MGAT2: variants seen among roughly 807,000 people sequenced by gnomAD.
MGAT2 encodes alpha-1,6-mannosyl-glycoprotein 2-beta-N-acetylglucosaminyltransferase, also known as Beta-1,2-N-acetylglucosaminyltransferase II.
In MGAT2, 17 loss-of-function variants were observed where a neutral mutation model predicts 33.8. The ratio of observed to expected loss-of-function variants is 0.50; its 90% CI spans 0.34 to 0.76. The LOEUF (loss-of-function observed/expected upper bound fraction) is 0.76, where lower values mean the gene tolerates loss of function less well. Among genes scored for constraint, MGAT2 ranks in the 30% least tolerant of loss-of-function variants. The pLI, the probability that MGAT2 is intolerant of heterozygous loss-of-function variation, is 0.01. For synonymous variants in MGAT2, 248 were observed against 226.7 expected (o/e 1.09, Z -0.84); for missense variants, 529 against 553.9 (o/e 0.96, Z 0.45).
At position 49,621,808 on chromosome 14, in the gene MGAT2, C is replaced by T; in HGVS notation, c.540C>T (p.Ser180=). 6.2e-7 allele frequency: 1 copy of T among 1,614,102 alleles called. No individual in the cohort carries two copies. The highest frequency in any genetic ancestry group is 8.5e-7 in the Non-Finnish European group (1 of 1,180,030). Residue 180 remains serine (S), a synonymous_variant, in exon 1 of 1, where the codon AGC becomes AGT. Transcript: ENST00000305386. This position sits in a 1 kb window ranked among gnomAD's most constrained non-coding sequence, Gnocchi z 4.6. ...TTCTGCAGGTGTTCTTTCCTTTCAG[C>T]ATTCAGTTGTACCCTAACGAGTTTC... The part of the protein sequence containing the change: ...CPVLQVFFPF[S]IQLYPNEFPG...
Position 49,622,216 on chromosome 14 carries a change from G to C in MGAT2, c.948G>C (p.Glu316Asp), listed in dbSNP as rs1882876159. The part of the protein sequence containing the change: ...KVDVKTWKST[E>D]HNMGLALTRN... ...ATGTGAAAACTTGGAAATCCACAGA[G>C]CACAATATGGGTCTAGCCTTGACCC... is the stretch of plus-strand genomic sequence containing the variant. Residue 316 changes from glutamate (E) to aspartate (D), a missense_variant, in exon 1 of 1, where the codon GAG (glutamate) becomes GAC (aspartate). Physicochemically the swap from Glu to Asp is conservative, Grantham distance 45. Around this residue, in one of 2 missense-constraint regions of MGAT2, gnomAD observed 501 missense variants for 501.1 expected, o/e 1.00. Coordinates refer to ENST00000305386, the MANE Select transcript of MGAT2 (RefSeq NM_002408.4). 2 of 1,614,172 alleles carry C rather than the reference G, an allele frequency of 1.2e-6. No individual in the cohort carries two copies. Among genetic ancestry groups the C allele is most frequent in the Non-Finnish European group, 8.5e-7 (1 of 1,180,038 alleles).
In MGAT2 at chr14:49,621,167, C is replaced by A; in HGVS notation, c.-102C>A. 1 of 1,556,498 alleles carries A rather than the reference C, an allele frequency of 6.4e-7. No homozygotes were observed. The highest frequency in any genetic ancestry group is 1.2e-5 in the South Asian group (1 of 86,894). ...GGCAGCCGCGGGGGCCAGTTCCGAC[C>A]GTGACAGGCCAAGGCGACGGCCGCC... is the stretch of plus-strand genomic sequence containing the variant. On this transcript the variant is annotated 5_prime_UTR_variant, in exon 1 of 1. Transcript: ENST00000305386. The surrounding 1 kb of genome is among the most constrained non-coding windows in gnomAD (Gnocchi z 4.6).
At position 49,620,820 on chromosome 14, in the gene MGAT2, G is replaced by T; in HGVS notation, c.-449G>T. Reference sequence around the variant, plus strand: ...CGGGGCAGTTGCGGGTTGTCATAACGGTCCCCGCCGGAGTGAGGCGAGGCC... The same window carrying T: ...CGGGGCAGTTGCGGGTTGTCATAACTGTCCCCGCCGGAGTGAGGCGAGGCC... On this transcript the variant is annotated 5_prime_UTR_variant, in exon 1 of 1. Transcript: ENST00000305386. 1 of 609,774 alleles carries T rather than the reference G, an allele frequency of 1.6e-6. No homozygotes were observed. Among genetic ancestry groups the T allele is most frequent in the Admixed American group, 2.8e-5 (1 of 35,890 alleles). 37.8% of individuals were successfully genotyped at this position (609,774 alleles called of 1,614,324 possible).
rs1171663768 is a variant in MGAT2 at position 49,620,996 on chromosome 14, G to C, written c.-273G>C. On this transcript the variant is annotated 5_prime_UTR_variant, in exon 1 of 1. Coordinates refer to ENST00000305386, the MANE Select transcript of MGAT2 (RefSeq NM_002408.4). The stretch of plus-strand genomic sequence containing the variant: ...CCCGTGGTGCTGAATGGAGAGGACG[G>C]AGACGAAGCCGAGCCGCGGCTCCTA... The C allele has an allele frequency of 7.1e-6, 5 of 703,112 alleles. No homozygotes were observed. The highest frequency in any genetic ancestry group is 1.3e-5 in the Non-Finnish European group (5 of 385,776). 43.6% of individuals were successfully genotyped at this position (703,112 alleles called of 1,614,324 possible).
Position 49,622,219 on chromosome 14 carries a change from C to T in MGAT2, c.951C>T (p.His317=), listed in dbSNP as rs1882876328. The T allele has an allele frequency of 6.2e-7, 1 of 1,614,172 alleles. No homozygotes were observed. Among genetic ancestry groups the T allele is most frequent in the Non-Finnish European group, 8.5e-7 (1 of 1,180,040 alleles). ...VDVKTWKSTE[H]NMGLALTRNA... ...TGAAAACTTGGAAATCCACAGAGCACAATATGGGTCTAGCCTTGACCCGGA... is the reference window on the plus strand; with the variant it reads ...TGAAAACTTGGAAATCCACAGAGCATAATATGGGTCTAGCCTTGACCCGGA... The change falls in exon 1 of 1, where the codon CAC becomes CAT. Residue 317 remains histidine, a synonymous_variant. Transcript: ENST00000305386.
In MGAT2 at chr14:49,621,386, C is replaced by A; in HGVS notation, c.118C>A (p.Pro40Thr). 6.2e-7 allele frequency: 1 copy of A among 1,610,940 alleles called. No individual in the cohort carries two copies. Among genetic ancestry groups the A allele is most frequent in the Non-Finnish European group, 8.5e-7 (1 of 1,178,698 alleles). Residue 40 changes from proline (P) to threonine (T), a missense_variant, in exon 1 of 1, where the codon CCG becomes ACG. Physicochemically the swap from Pro to Thr is conservative, Grantham distance 38. Coordinates refer to ENST00000305386, the MANE Select transcript of MGAT2 (RefSeq NM_002408.4). This position sits in a 1 kb window ranked among gnomAD's most constrained non-coding sequence, Gnocchi z 4.6. ...AAGGAAGAACGAGGCCCTCGCCCCA[C>A]CGTTGCTGGACGCCGAACCCGCGCG... The part of the protein sequence containing the change: ...RQRKNEALAP[P>T]LLDAEPARGA...
At position 49,620,813 on chromosome 14, in the gene MGAT2, T is replaced by G. The variant is rs1882818878; in HGVS notation, c.-456T>G. On this transcript the variant is annotated 5_prime_UTR_variant, in exon 1 of 1. Coordinates refer to ENST00000305386, the MANE Select transcript of MGAT2 (RefSeq NM_002408.4). ...TGTGCCGCGGGGCAGTTGCGGGTTG[T>G]CATAACGGTCCCCGCCGGAGTGAGG... The G allele has an allele frequency of 1.7e-6, 1 of 602,554 alleles. No homozygotes were observed. Among genetic ancestry groups the G allele is most frequent in the African/African-American group, 1.9e-5 (1 of 53,094 alleles). 37.3% of individuals were successfully genotyped at this position (602,554 alleles called of 1,614,324 possible).
Position 49,621,829 on chromosome 14 carries a change from G to C in MGAT2, c.561G>C (p.Glu187Asp). 1 of 1,614,194 alleles carries C rather than the reference G, an allele frequency of 6.2e-7. No homozygotes were observed. Among genetic ancestry groups the C allele is most frequent in the Non-Finnish European group, 8.5e-7 (1 of 1,180,040 alleles). ...FPFSIQLYPN[E>D]FPGSDPRDCP... ...TCAGCATTCAGTTGTACCCTAACGA[G>C]TTTCCAGGTAGTGACCCTAGAGATT... The change falls in exon 1 of 1, where the codon GAG (glutamate) becomes GAC (aspartate). Residue 187 changes from glutamate to aspartate, a missense_variant. Glu to Asp is a conservative substitution (Grantham distance 45, BLOSUM62 2). Transcript: ENST00000305386. The surrounding 1 kb of genome is among the most constrained non-coding windows in gnomAD (Gnocchi z 4.6).
In MGAT2 at chr14:49,622,865, GAA is replaced by G. The variant is rs898289425; in HGVS notation, c.*254_*255del. On this transcript the variant is annotated 3_prime_UTR_variant, in exon 1 of 1. Transcript: ENST00000305386. The stretch of plus-strand genomic sequence containing the variant: ...AAAATTGATTATTGTTGATATGAGA[GAA>G]GAGGGGAAATTTTATTTAAATTGCA... 14 of 314,852 alleles carry G rather than the reference GAA, an allele frequency of 4.4e-5. No individual in the cohort carries two copies. Among genetic ancestry groups the G allele is most frequent in the African/African-American group, 8.6e-5 (4 of 46,336 alleles). 19.5% of individuals were successfully genotyped at this position (314,852 alleles called of 1,614,324 possible).
chr14:49,623,428 T>C lies in MGAT2; in HGVS notation c.*816T>C, dbSNP rs1277719391. Reference sequence around the variant, plus strand: ...GTTAGCATTACATTTTAATATTTACTATTGCTACATTGTATAATTGAGTTT... The same window carrying C: ...GTTAGCATTACATTTTAATATTTACCATTGCTACATTGTATAATTGAGTTT... On this transcript the variant is annotated 3_prime_UTR_variant, in exon 1 of 1. Coordinates refer to ENST00000305386, the MANE Select transcript of MGAT2 (RefSeq NM_002408.4). 6.0e-6 allele frequency: 1 copy of C among 167,120 alleles called. No homozygotes were observed. Among genetic ancestry groups the C allele is most frequent in the East Asian group, 1.9e-4 (1 of 5,206 alleles). 10.4% of individuals were successfully genotyped at this position (167,120 alleles called of 1,614,324 possible). A position where few individuals can be genotyped will look rare whatever the true frequency, so the allele number is the denominator to read the frequency against.
Position 49,621,752 on chromosome 14 carries a change from C to A in MGAT2, c.484C>A (p.Gln162Lys), listed in dbSNP as rs1457689514. The change falls in exon 1 of 1, where the codon CAG becomes AAG. Residue 162 changes from glutamine (Q) to lysine (K), a missense_variant. Gln to Lys is a moderately conservative substitution (Grantham distance 53, BLOSUM62 1). Transcript: ENST00000305386. This position sits in a 1 kb window ranked among gnomAD's most constrained non-coding sequence, Gnocchi z 4.6. The part of the protein sequence containing the change: ...SHDFWSTEIN[Q>K]LIAGVNFCPV... Reference sequence around the variant, plus strand: ...TGACTTCTGGTCGACCGAGATCAATCAGCTGATCGCCGGGGTGAATTTCTG... The same window carrying A: ...TGACTTCTGGTCGACCGAGATCAATAAGCTGATCGCCGGGGTGAATTTCTG... 1.9e-6 allele frequency: 3 copies of A among 1,614,124 alleles called. No homozygotes were observed. Among genetic ancestry groups the A allele is most frequent in the Non-Finnish European group, 2.5e-6 (3 of 1,180,052 alleles).
rs372274787 is a variant in MGAT2, at chr14:49,622,258, G to A, written c.990G>A (p.Lys330=). The change falls in exon 1 of 1, where the codon AAG becomes AAA. Residue 330 remains lysine, a synonymous_variant. Transcript: ENST00000305386. ...CCTTGACCCGGAATGCCTATCAGAA[G>A]CTGATCGAGTGCACAGACACTTTCT... ...GLALTRNAYQ[K]LIECTDTFCT... 1 of 1,614,092 alleles carries A rather than the reference G, an allele frequency of 6.2e-7. No individual in the cohort carries two copies. The highest frequency in any genetic ancestry group is 8.5e-7 in the Non-Finnish European group (1 of 1,180,054).
Position 49,620,865 on chromosome 14 carries a change from G to A in MGAT2, c.-404G>A. On this transcript the variant is annotated 5_prime_UTR_variant, in exon 1 of 1. Transcript: ENST00000305386. Reference sequence around the variant, plus strand: ...GAGGCCGCGTCGCTCAGTTCTGGCCGTCTAGGGCCCCTGTAAGGATGAGAG... The same window carrying A: ...GAGGCCGCGTCGCTCAGTTCTGGCCATCTAGGGCCCCTGTAAGGATGAGAG... The A allele has an allele frequency of 2.9e-6, 2 of 682,778 alleles. No homozygotes were observed. The allele number at this position is 682,778 out of a possible 1,614,324, so 42.3% of individuals were successfully genotyped here. A position where few individuals can be genotyped will look rare whatever the true frequency, so the allele number is the denominator to read the frequency against.
chr14:49,621,632 G>T lies in MGAT2; in HGVS notation c.364G>T (p.Val122Phe). 1 of 1,614,158 alleles carries T rather than the reference G, an allele frequency of 6.2e-7. No homozygotes were observed. Residue 122 changes from valine (V) to phenylalanine (F), a missense_variant, in exon 1 of 1, where the codon GTC becomes TTC. Physicochemically the swap from Val to Phe is conservative, Grantham distance 50. Transcript: ENST00000305386. The surrounding 1 kb of genome is among the most constrained non-coding windows in gnomAD (Gnocchi z 4.6). ...TWAPRELVLVVQVHNRPEYLR... is the reference protein window; with the variant it reads ...TWAPRELVLVFQVHNRPEYLR... ...GGCCCCCCGGGAGCTGGTGCTGGTG[G>T]TCCAGGTGCATAACCGGCCCGAATA...
Position 49,621,243 on chromosome 14 carries a change from C to G in MGAT2, c.-26C>G, listed in dbSNP as rs757709109. The G allele has an allele frequency of 4.3e-6, 7 of 1,611,598 alleles. No individual in the cohort carries two copies. In the Admixed American group the frequency reaches 1.0e-4, roughly 23 times the overall value. On this transcript the variant is annotated 5_prime_UTR_variant, in exon 1 of 1. Transcript: ENST00000305386. This position sits in a 1 kb window ranked among gnomAD's most constrained non-coding sequence, Gnocchi z 4.6. Reference sequence around the variant, plus strand: ...GCAGCTGCTCCTTTCCGCGCCCGCCCGCCTGCGCTCCCGGCCCTGGAGACC... The same window carrying G: ...GCAGCTGCTCCTTTCCGCGCCCGCCGGCCTGCGCTCCCGGCCCTGGAGACC...
In MGAT2 at chr14:49,621,173, A is replaced by C; in HGVS notation, c.-96A>C. On this transcript the variant is annotated 5_prime_UTR_variant, in exon 1 of 1. Coordinates refer to ENST00000305386, the MANE Select transcript of MGAT2 (RefSeq NM_002408.4). The surrounding 1 kb of genome is among the most constrained non-coding windows in gnomAD (Gnocchi z 4.6). ...CGCGGGGGCCAGTTCCGACCGTGACAGGCCAAGGCGACGGCCGCCGCCCGC... is the reference window on the plus strand; with the variant it reads ...CGCGGGGGCCAGTTCCGACCGTGACCGGCCAAGGCGACGGCCGCCGCCCGC... 7 of 1,568,596 alleles carry C rather than the reference A, an allele frequency of 4.5e-6. No homozygotes were observed. Among genetic ancestry groups the C allele is most frequent in the Non-Finnish European group, 6.1e-6 (7 of 1,154,770 alleles).
Position 49,622,867 on chromosome 14 carries a change from A to T in MGAT2, c.*255A>T, listed in dbSNP as rs563966758. The T allele has an allele frequency of 6.4e-6, 2 of 313,372 alleles. No individual in the cohort carries two copies. The highest frequency in any genetic ancestry group is 1.2e-5 in the Non-Finnish European group (2 of 163,596). 19.4% of individuals were successfully genotyped at this position (313,372 alleles called of 1,614,324 possible). A position where few individuals can be genotyped will look rare whatever the true frequency, so the allele number is the denominator to read the frequency against. On this transcript the variant is annotated 3_prime_UTR_variant, in exon 1 of 1. Coordinates refer to ENST00000305386, the MANE Select transcript of MGAT2 (RefSeq NM_002408.4). ...AATTGATTATTGTTGATATGAGAGA[A>T]GAGGGGAAATTTTATTTAAATTGCA...
rs1222818126 is a variant in MGAT2, at chr14:49,622,650, A to G, written c.*38A>G. On this transcript the variant is annotated 3_prime_UTR_variant, in exon 1 of 1. Transcript: ENST00000305386. ...CAAAAGCGACAGTCTTCTATTTTTG[A>G]TATTTGTCCAAACAGGACATACAAT... is the stretch of plus-strand genomic sequence containing the variant. The G allele has an allele frequency of 4.4e-6, 7 of 1,580,202 alleles. No individual in the cohort carries two copies. The African/African-American group carries it at 6.9e-5, about 15-fold the overall frequency.
At position 49,622,053 on chromosome 14, in the gene MGAT2, A is replaced by C; in HGVS notation, c.785A>C (p.His262Pro). 1 of 1,614,188 alleles carries C rather than the reference A, an allele frequency of 6.2e-7. No individual in the cohort carries two copies. The highest frequency in any genetic ancestry group is 8.5e-7 in the Non-Finnish European group (1 of 1,180,026). ...AGLILFLEEDHYLAPDFYHVF... is the reference protein window; with the variant it reads ...AGLILFLEEDPYLAPDFYHVF... ...CTTATACTTTTCCTAGAAGAGGATC[A>C]CTACTTAGCCCCAGACTTTTACCAT... is the stretch of plus-strand genomic sequence containing the variant. The change falls in exon 1 of 1, where the codon CAC becomes CCC. Residue 262 changes from histidine to proline, a missense_variant. Transcript: ENST00000305386.
Sources: allele counts gnomAD v4.1 joint callset, GRCh38; gene constraint gnomAD v4.1.1; regional missense constraint gnomAD v4.1.1; non-coding constraint Gnocchi (gnomAD v3.1); transcripts MANE v1.5; gene names NCBI Gene and HGNC (gene_info 2026-07-23, HGNC 2026-07-21).